The following SULF1 variants were observed in gnomAD, a reference collection of about 807,000 sequenced individuals.
SULF1 encodes sulfatase 1.
A neutral mutation model predicts 110.5 loss-of-function variants in SULF1; 46 were observed. The ratio of observed to expected loss-of-function variants is 0.42; its 90% CI spans 0.33 to 0.53. The LOEUF (loss-of-function observed/expected upper bound fraction) is 0.53, where lower values mean the gene tolerates loss of function less well. Among genes scored for constraint, SULF1 ranks in the 20% least tolerant of loss-of-function variants. The pLI, the probability that SULF1 is intolerant of heterozygous loss-of-function variation, is 0.12. For synonymous variants in SULF1, 371 were observed against 387.1 expected (o/e 0.96, Z 0.49); for missense variants, 941 against 1,094.2 (o/e 0.86, Z 1.98).
At chr8:69,620,977 C>G in intron 13 of SULF1, 58 bp from the exon 14 acceptor site, 1 of 1,433,504 alleles carries the variant, frequency 7.0e-7, no homozygotes, top group Middle Eastern at 1.8e-4. Context: ...GGCAGCAGCT[C>G]TTAATAAATA....
At chr8:69,524,802 C>CT (rs556386414) in intron 3 of SULF1, among the ~76,000 whole-genome samples, 6 of 152,080 alleles carry the variant, frequency 3.9e-5, no homozygotes, top group Admixed American at 1.3e-4. Context: ...CATGCTGCTT[C>CT]TTTTTTTTAT....
In SULF1 at chr8:69,543,379, C is replaced by T. The variant is rs531689717; in HGVS notation, c.-133-20160C>T. On this transcript the variant is annotated intron_variant, in intron 3 of 22. Coordinates refer to ENST00000402687, the MANE Select transcript of SULF1 (RefSeq NM_001128205.2). ...TCCCTAATGCTCTCCCCAACCCCCA[C>T]CCTCCCCTCACAGACCTTAGTGTGT... is the stretch of plus-strand genomic sequence containing the variant. Among the ~76,000 whole-genome samples, 135 of 151,848 alleles carry T rather than the reference C, an allele frequency of 8.9e-4. 1 individual carries two copies. In the Middle Eastern group the frequency reaches 0.014, roughly 15 times the overall value.
intron 1 of SULF1, among the ~76,000 whole-genome samples, chr8:69,468,014 C>T (rs1327666416): frequency 6.6e-6 from 1 of 152,122 alleles, no homozygotes; most frequent in African/African-American, 2.4e-5. Context: ...TCAATTCAGG[C>T]TCTATTTTCA....
At chr8:69,571,029 G>A (rs1055809673) in intron 5 of SULF1, among the ~76,000 whole-genome samples, 3 of 152,234 alleles carry the variant, frequency 2.0e-5, no homozygotes. Flanking sequence ...AAATAACAAT[G>A]AAGTTGGGCT....
At chr8:69,561,165 T>A (rs1280879215) in intron 3 of SULF1, among the ~76,000 whole-genome samples, 1 of 152,168 alleles carries the variant, frequency 6.6e-6, no homozygotes, top group Admixed American at 6.5e-5. Flanking sequence ...TGTGAGGAGA[T>A]AGACATGTTA....
In SULF1 at chr8:69,604,908, G is replaced by A; in HGVS notation, c.1353G>A (p.Gln451=). 6.2e-7 allele frequency: 1 copy of A among 1,614,228 alleles called. No individual in the cohort carries two copies. Among genetic ancestry groups the A allele is most frequent in the Non-Finnish European group, 8.5e-7 (1 of 1,180,038 alleles). ...VKELCQQARY[Q]TACEQPGQKW... Reference sequence around the variant, plus strand: ...AACTATGCCAGCAGGCCAGGTACCAGACAGCCTGTGAACAACCGGGGCAGG... The same window carrying A: ...AACTATGCCAGCAGGCCAGGTACCAAACAGCCTGTGAACAACCGGGGCAGG... Residue 451 remains glutamine (Q), a synonymous_variant, in exon 13 of 23, where the codon CAG becomes CAA. Transcript: ENST00000402687.
intron 2 of SULF1, among the ~76,000 whole-genome samples, chr8:69,497,769 G>C (rs1810469751): frequency 6.6e-6 from 1 of 152,162 alleles, no homozygotes; most frequent in Non-Finnish European, 1.5e-5. Context: ...GGACAACCAA[G>C]AGAGTTAAGT....
At chr8:69,469,914 C>T (rs1374498601) in intron 1 of SULF1, among the ~76,000 whole-genome samples, 3 of 152,090 alleles carry the variant, frequency 2.0e-5, no homozygotes, top group Admixed American at 6.5e-5. Context: ...CGGTGGTGGG[C>T]ACCTGTAATC....
intron 22 of SULF1, 60 bp downstream of exon 22, chr8:69,640,901 G>T: frequency 6.5e-7 from 1 of 1,530,780 alleles, no homozygotes; most frequent in Non-Finnish European, 8.9e-7. Flanking sequence ...ATGATCCAGT[G>T]GTTTCAACTA....
chr8:69,600,458 T>C, intron 8 of SULF1, 145 bp from the exon 9 acceptor site: 3 of 711,240 alleles, frequency 4.2e-6, no homozygotes, highest in Non-Finnish European at 4.3e-6. Context: ...TTCTTATAAA[T>C]GCAAACAGAA....
At chr8:69,500,536 G>C (rs1208873469) in intron 2 of SULF1, among the ~76,000 whole-genome samples, 1 of 152,216 alleles carries the variant, frequency 6.6e-6, no homozygotes, top group South Asian at 2.1e-4. Context: ...ATCACATTCA[G>C]ATGTAAACTT....
chr8:69,603,086 G>A (rs1807959359), intron 10 of SULF1, 106 bp from the exon 11 acceptor site: 2 of 1,489,730 alleles, frequency 1.3e-6, no homozygotes, highest in African/African-American at 2.8e-5. Context: ...AGATGAGAGG[G>A]TGAGAAGAGT....
At chr8:69,580,153 A>G (rs1805961750) in intron 6 of SULF1, among the ~76,000 whole-genome samples, 1 of 152,144 alleles carries the variant, frequency 6.6e-6, no homozygotes, top group Admixed American at 6.5e-5. Flanking sequence ...AAATTTTTCT[A>G]AGTTTACTCA....
In SULF1 at chr8:69,480,822, G is replaced by A. The variant is rs138931476; in HGVS notation, c.-391+13872G>A. On this transcript the variant is annotated intron_variant, in intron 1 of 22. Coordinates refer to the SULF1 transcript ENST00000260128. ...TTTTCACTGCATGTTCTCACTCATA[G>A]GTGGGAATTGAACAATGAGAACACA... Among the ~76,000 whole-genome samples the A allele has an allele frequency of 2.9e-3, 439 of 150,024 alleles. 2 individuals are homozygous for A. The highest frequency in any genetic ancestry group is 0.01 in the African/African-American group (413 of 40,874).
At chr8:69,498,755 G>A (rs1376203638) in intron 2 of SULF1, among the ~76,000 whole-genome samples, 1 of 152,208 alleles carries the variant, frequency 6.6e-6, no homozygotes, top group African/African-American at 2.4e-5. Flanking sequence ...AAGAACAGAG[G>A]AGTGAAAGCA....
At chr8:69,590,171 C>CT (rs970756016) in intron 8 of SULF1, among the ~76,000 whole-genome samples, 7 of 151,930 alleles carry the variant, frequency 4.6e-5, no homozygotes, top group South Asian at 2.1e-4. Flanking sequence ...AAAATGTTCT[C>CT]TTTTTTTTGA....
chr8:69,609,385 C>T (rs925296193), intron 13 of SULF1, among the ~76,000 whole-genome samples: 3 of 152,244 alleles, frequency 2.0e-5, no homozygotes, highest in African/African-American at 7.2e-5. Context: ...AAAAAATAAA[C>T]TCACCTGGGT....
intron 3 of SULF1, among the ~76,000 whole-genome samples, chr8:69,520,112 TACACACAC>T (rs34036903): frequency 0.022 from 3,084 of 137,110 alleles, 99 homozygotes; most frequent in African/African-American, 0.075. Flanking sequence ...AAATTCCAGT[TACACACAC>T]ACACACACAC....
At chr8:69,554,999 CAA>C (rs376696620) in intron 3 of SULF1, among the ~76,000 whole-genome samples, 19 of 68,454 alleles carry the variant, frequency 2.8e-4, no homozygotes, top group Non-Finnish European at 3.6e-4. Flanking sequence ...AAAAAAAAAA[CAA>C]AAAAAAAAAA....
Sources: allele counts gnomAD v4.1 joint callset (sites outside exome capture counted in the v4.1 genomes callset), GRCh38; gene constraint gnomAD v4.1.1; transcripts MANE v1.5; gene names NCBI Gene and HGNC (gene_info 2026-07-23, HGNC 2026-07-21).